Variants in APLP2 observed in about 807,000 individuals in gnomAD.
APLP2 encodes the protein CDEI box-binding protein.
A neutral mutation model predicts 89.9 loss-of-function variants in APLP2; 53 were observed. The observed-to-expected ratio is 0.59, with a 90% CI of 0.47 to 0.74. The LOEUF is 0.74. Among genes scored for constraint, APLP2 ranks in the 30% least tolerant of loss-of-function variants. The pLI is 0.00. For synonymous variants in APLP2, 372 were observed against 348.6 expected, an observed-to-expected ratio of 1.07 and a Z score of -0.75; for missense variants, 973 against 975.9, an observed-to-expected ratio of 1.00 and a Z score of 0.04.
intron 3 of APLP2, among the ~76,000 whole-genome samples, chr11:130,115,523 C>T (rs530038144): frequency 5.2e-4 from 79 of 152,344 alleles, no homozygotes; most frequent in African/African-American, 1.8e-3. Flanking sequence ...TAAATCCTAA[C>T]TGCAGCTTAA....
At chr11:130,137,392 C>A in intron 13 of APLP2, 2 of 1,121,970 alleles carry the variant, frequency 1.8e-6, no homozygotes, top group East Asian at 4.7e-5. Flanking sequence ...CCTGGCTTTC[C>A]CCACCTCATT....
chr11:130,086,278 A>C (rs1468018902), intron 1 of APLP2, among the ~76,000 whole-genome samples: 3 of 152,194 alleles, frequency 2.0e-5, no homozygotes, highest in Non-Finnish European at 2.9e-5. Context: ...GCATTTCTCT[A>C]ATAGCTAGTG....
chr11:130,107,158 C>T (rs115868221), intron 1 of APLP2, among the ~76,000 whole-genome samples: 2,065 of 152,148 alleles, frequency 0.014, 49 homozygotes, highest in African/African-American at 0.046. Flanking sequence ...TGTTGCTTTG[C>T]GAAATAGTAG....
chr11:130,108,759 A>G (rs1053574407), intron 1 of APLP2: 2 of 152,240 alleles, frequency 1.3e-5, no homozygotes, highest in African/African-American at 2.4e-5. Context: ...ATGCACACAT[A>G]TGTTCATTGC....
chr11:130,102,650 A>G (rs1332714484), intron 1 of APLP2, among the ~76,000 whole-genome samples: 1 of 152,224 alleles, frequency 6.6e-6, no homozygotes, highest in East Asian at 1.9e-4. Context: ...GAAGGGAGGT[A>G]GGCTTAGATG....
chr11:130,101,043 A>AG (rs796473163), intron 1 of APLP2, among the ~76,000 whole-genome samples: 24 of 151,358 alleles, frequency 1.6e-4, no homozygotes, highest in African/African-American at 5.1e-4. Context: ...TTGGACAGTA[A>AG]AAAAAAAATG....
chr11:130,134,338 C>G (rs185238852), intron 12 of APLP2, among the ~76,000 whole-genome samples: 2 of 152,110 alleles, frequency 1.3e-5, no homozygotes. Context: ...GCCTGAGATC[C>G]GAATGGTAAG....
chr11:130,093,036 C>T (rs1031819157), intron 1 of APLP2, among the ~76,000 whole-genome samples: 2 of 152,244 alleles, frequency 1.3e-5, no homozygotes, highest in South Asian at 4.1e-4. Context: ...ATACCCCTCC[C>T]TACCTGGCAG....
At chr11:130,110,361 T>G (rs1442824014) in intron 2 of APLP2, among the ~76,000 whole-genome samples, 177 bp from the exon 3 acceptor site, 1 of 152,240 alleles carries the variant, frequency 6.6e-6, no homozygotes. Context: ...CTGTCAAAAC[T>G]AATACAGTAT....
At chr11:130,092,929 C>G (rs553354201) in intron 1 of APLP2, among the ~76,000 whole-genome samples, 9 of 152,252 alleles carry the variant, frequency 5.9e-5, no homozygotes, top group Admixed American at 4.6e-4. Context: ...GCAGAGCAAA[C>G]TCAGATCTGA....
At chr11:130,086,114 C>G (rs141642299) in intron 1 of APLP2, among the ~76,000 whole-genome samples, 1 of 152,320 alleles carries the variant, frequency 6.6e-6, no homozygotes, top group Admixed American at 6.5e-5. Flanking sequence ...TGAGAAATTG[C>G]CAAACTGTTT....
At chr11:130,124,089 G>A (rs1036424861) in intron 7 of APLP2, among the ~76,000 whole-genome samples, 4 of 152,146 alleles carry the variant, frequency 2.6e-5, no homozygotes, top group African/African-American at 9.7e-5. Context: ...TTTGGAGTCT[G>A]CAGGTCCCCA....
Position 130,121,676 on chromosome 11 carries a change from C to G in APLP2, c.579C>G (p.Asp193Glu), listed in dbSNP as rs986972144. The change falls in exon 5 of 17, where the codon GAC becomes GAG. Residue 193 changes from aspartate (D) to glutamate (E), a missense_variant. Transcript: ENST00000338167. ...GCATGCTGCTCCCATGTGGGGTAGACCAGTTCCATGGCACTGAATATGTGT... is the reference window on the plus strand; with the variant it reads ...GCATGCTGCTCCCATGTGGGGTAGAGCAGTTCCATGGCACTGAATATGTGT... ...SYGMLLPCGV[D>E]QFHGTEYVCC... The G allele has an allele frequency of 6.2e-7, 1 of 1,613,892 alleles. No individual in the cohort carries two copies. Among genetic ancestry groups the G allele is most frequent in the Non-Finnish European group, 8.5e-7 (1 of 1,180,016 alleles).
intron 9 of APLP2, among the ~76,000 whole-genome samples, chr11:130,128,348 T>C (rs1380060009): frequency 1.3e-5 from 2 of 152,250 alleles, no homozygotes; most frequent in Non-Finnish European, 1.5e-5. Context: ...AAAACTGATT[T>C]TGTAAATTTT....
chr11:130,105,451 C>A (rs1947554952), intron 1 of APLP2, among the ~76,000 whole-genome samples: 1 of 152,104 alleles, frequency 6.6e-6, no homozygotes, highest in South Asian at 2.1e-4. Flanking sequence ...GCTACCCTTT[C>A]TTGTTAGTAG....
chr11:130,107,494 A>G (rs1316394543), intron 1 of APLP2, among the ~76,000 whole-genome samples: 2 of 152,226 alleles, frequency 1.3e-5, no homozygotes, highest in Non-Finnish European at 2.9e-5. Flanking sequence ...ATACCTGGGA[A>G]TCCAACTTAC....
intron 1 of APLP2, among the ~76,000 whole-genome samples, chr11:130,091,700 G>A (rs1453426311): frequency 3.7e-5 from 5 of 136,726 alleles, no homozygotes; most frequent in Admixed American, 3.4e-4. Flanking sequence ...CCCGGACGGG[G>A]CGGCTGGCCG....
intron 2 of APLP2, chr11:130,109,914 A>G (rs750242770): frequency 7.4e-6 from 2 of 271,238 alleles, no homozygotes; most frequent in African/African-American, 2.2e-5. Flanking sequence ...ATGTCTCCTT[A>G]CTGACAGAAA....
chr11:130,090,773 G>C (rs78062541), intron 1 of APLP2, among the ~76,000 whole-genome samples: 1 of 151,290 alleles, frequency 6.6e-6, no homozygotes, highest in Admixed American at 6.6e-5. Flanking sequence ...TCAATGAGCC[G>C]TTGGGCACAC....
Sources: gnomAD v4.1 joint callset for allele counts (sites outside exome capture counted in the v4.1 genomes callset) on GRCh38, gnomAD v4.1.1 for gene constraint, MANE v1.5 for transcripts, NCBI Gene and HGNC (gene_info 2026-07-23, HGNC 2026-07-21) for gene names.